The following CORIN variants were observed in gnomAD, a reference collection of about 807,000 sequenced individuals.
CORIN encodes corin, serine peptidase.
In CORIN, 117 loss-of-function variants were observed where a neutral mutation model predicts 125.3. That is an observed-to-expected ratio of 0.93 (90% CI 0.80 to 1.09). The LOEUF (loss-of-function observed/expected upper bound fraction) is 1.09. Among genes scored for constraint, CORIN ranks in the 50% least tolerant of loss-of-function variants. CORIN has a pLI of 0.00. For missense variants in CORIN, 1,253 were observed against 1,306.7 expected, an observed-to-expected ratio of 0.96 and a Z score of 0.63; for synonymous variants, 450 against 466.4, an observed-to-expected ratio of 0.96 and a Z score of 0.45.
chr4:47,834,290 C>A (rs968486794), intron 1 of CORIN, among the ~76,000 whole-genome samples: 1 of 152,050 alleles, frequency 6.6e-6, no homozygotes, highest in East Asian at 1.9e-4. Context: ...GAAACAAATC[C>A]TACCATTTCT....
chr4:47,725,111 A>G (rs766546893), intron 5 of CORIN, among the ~76,000 whole-genome samples: 4 of 152,198 alleles, frequency 2.6e-5, no homozygotes, highest in South Asian at 4.1e-4. Flanking sequence ...ATAAATGCCA[A>G]TAGAAGAATC....
Position 47,683,734 on chromosome 4 carries a change from A to C in CORIN, c.1018T>G (p.Cys340Gly), listed in dbSNP as rs1206154736. 5 of 1,606,590 alleles carry C rather than the reference A, an allele frequency of 3.1e-6. No individual in the cohort carries two copies. The South Asian group carries it at 4.4e-5, about 14-fold the overall frequency. Residue 340 changes from cysteine (C) to glycine (G), a missense_variant, in exon 7 of 22, where the codon TGT becomes GGT. Cys to Gly is a radical substitution (Grantham distance 159, BLOSUM62 -3). Coordinates refer to ENST00000273857, the MANE Select transcript of CORIN (RefSeq NM_006587.4). ...TTGGGGAAACAATGCTACTTACCAC[A>C]GTTTTGCTCATCACTCAAATCCCCA... ...DCGDLSDEQN[C>G]DCNPTTEHRC...
At chr4:47,656,152 ATT>A (rs199763449) in intron 12 of CORIN, among the ~76,000 whole-genome samples, 17,322 of 133,322 alleles carry the variant, frequency 0.13, 1,170 homozygotes, top group East Asian at 0.43. Context: ...ACCATTTAGG[ATT>A]TTTTTTTTTT....
At chr4:47,755,629 T>C (rs893491391) in intron 4 of CORIN, among the ~76,000 whole-genome samples, 4 of 152,162 alleles carry the variant, frequency 2.6e-5, no homozygotes, top group Non-Finnish European at 5.9e-5. Flanking sequence ...TTAACAGTGA[T>C]GGAGAAGTGA....
At chr4:47,833,642 T>C (rs1733193600) in intron 1 of CORIN, among the ~76,000 whole-genome samples, 1 of 151,930 alleles carries the variant, frequency 6.6e-6, no homozygotes, top group Admixed American at 6.6e-5. Flanking sequence ...GGAGAAAATA[T>C]TTGCGAATCA....
chr4:47,836,620 C>G (rs1733430691), intron 1 of CORIN, among the ~76,000 whole-genome samples: 1 of 152,172 alleles, frequency 6.6e-6, no homozygotes, highest in African/African-American at 2.4e-5. Context: ...CAGAAGTTTC[C>G]CGCGGGAGGA....
rs1410150820 is a variant in CORIN at position 47,683,753 on chromosome 4, A to C, written c.999T>G (p.Asp333Glu). ...LVCDGYDDCG[D>E]LSDEQNCDCN... ...TACCACAGTTTTGCTCATCACTCAA[A>C]TCCCCACAGTCATCATATCCATCAC... is the stretch of plus-strand genomic sequence containing the variant. The change falls in exon 7 of 22, where the codon GAT (aspartate) becomes GAG (glutamate). Residue 333 changes from aspartate (D) to glutamate (E), a missense_variant. Asp to Glu is a conservative substitution (Grantham distance 45, BLOSUM62 2). Transcript: ENST00000273857. 4 of 1,613,236 alleles carry C rather than the reference A, an allele frequency of 2.5e-6. No homozygotes were observed. The highest frequency in any genetic ancestry group is 3.4e-6 in the Non-Finnish European group (4 of 1,179,602).
Position 47,832,100 on chromosome 4 carries a change from T to C in CORIN, c.63+5787A>G, listed in dbSNP as rs979991033. ...AAATGGTACAACATGTAGGAGTACATATGGAGGGAGAAGAGCCTCCTTCTG... is the reference window on the plus strand; with the variant it reads ...AAATGGTACAACATGTAGGAGTACACATGGAGGGAGAAGAGCCTCCTTCTG... On this transcript the variant is annotated intron_variant, in intron 1 of 21. Transcript: ENST00000273857. Among the ~76,000 whole-genome samples, 5 of 152,172 alleles carry C rather than the reference T, an allele frequency of 3.3e-5. 1 individual carries two copies. Among genetic ancestry groups the C allele is most frequent in the Admixed American group, 2.6e-4 (4 of 15,278 alleles).
At chr4:47,630,894 G>A (rs1722778388) in intron 16 of CORIN, among the ~76,000 whole-genome samples, 3 of 152,222 alleles carry the variant, frequency 2.0e-5, no homozygotes, top group South Asian at 2.1e-4. Context: ...CAAGATCACA[G>A]GTGATGATGA....
chr4:47,686,841 C>T (rs1725542850), intron 6 of CORIN, among the ~76,000 whole-genome samples: 1 of 152,022 alleles, frequency 6.6e-6, no homozygotes, highest in Admixed American at 6.6e-5. Context: ...ACTACACTCA[C>T]TTTTTTTGAC....
At chr4:47,805,148 A>AATAATAATAATAATAAT (rs1553919340) in intron 2 of CORIN, among the ~76,000 whole-genome samples, 26 of 129,156 alleles carry the variant, frequency 2.0e-4, no homozygotes, top group African/African-American at 7.6e-4. Flanking sequence ...AAAAAAAAAA[A>AATAATAATAATAATAAT]AATAATAATA....
chr4:47,758,728 A>G (rs1330309375), intron 4 of CORIN, among the ~76,000 whole-genome samples: 1 of 152,198 alleles, frequency 6.6e-6, no homozygotes, highest in African/African-American at 2.4e-5. Context: ...TTCTTGTGAT[A>G]GTGAGTGAGT....
rs1351348827 is a variant in CORIN, at chr4:47,623,656, G to A, written c.2455C>T (p.Leu819=). The A allele has an allele frequency of 7.4e-6, 12 of 1,614,116 alleles. No homozygotes were observed. Among genetic ancestry groups the A allele is most frequent in the Non-Finnish European group, 9.3e-6 (11 of 1,180,040 alleles). The change falls in exon 19 of 22, where the codon CTG becomes TTG. Residue 819 remains leucine (L), a synonymous_variant. Coordinates refer to ENST00000273857, the MANE Select transcript of CORIN (RefSeq NM_006587.4). The stretch of plus-strand genomic sequence containing the variant: ...ATATGTCCACTGGGTTCACTCTGCA[G>A]AGAACACTGCCATGGCCACCTTCCA... The part of the protein sequence containing the change: ...RPGRWPWQCS[L]QSEPSGHICG...
chr4:47,726,889 T>C (rs961595947), intron 5 of CORIN, among the ~76,000 whole-genome samples: 3 of 152,014 alleles, frequency 2.0e-5, no homozygotes, highest in African/African-American at 7.2e-5. Context: ...AGCATTTTAT[T>C]AAAATATTGT....
intron 13 of CORIN, among the ~76,000 whole-genome samples, chr4:47,645,568 T>C (rs774445616): frequency 6.6e-6 from 1 of 151,342 alleles, no homozygotes; most frequent in Non-Finnish European, 1.5e-5. Context: ...TGATATAAAT[T>C]GTACAGCTCT....
chr4:47,771,240 C>T (rs551365599), intron 3 of CORIN, among the ~76,000 whole-genome samples: 1 of 152,188 alleles, frequency 6.6e-6, no homozygotes, highest in Admixed American at 6.5e-5. Flanking sequence ...GTCAGGACTA[C>T]ATCAGCAGAG....
In CORIN at chr4:47,828,506, A is replaced by C. The variant is rs114987045; in HGVS notation, c.63+9381T>G. ...TTTCTGAATTGGTGAACACATCTAC[A>C]TTCTGGGAGCACTCCAACTCCATGG... On this transcript the variant is annotated intron_variant, in intron 1 of 21. Coordinates refer to ENST00000273857, the MANE Select transcript of CORIN (RefSeq NM_006587.4). 7.5e-3 allele frequency among the ~76,000 whole-genome samples: 1,137 copies of C among 152,286 alleles called. 13 individuals are homozygous for C. The highest frequency in any genetic ancestry group is 0.026 in the African/African-American group (1,100 of 41,554).
rs113780057 is a variant in CORIN at position 47,645,224 on chromosome 4, T to A, written c.1844-30A>T. ...AGACAGAAGAAAAGGTTATTTGCAA[T>A]AGACGTGGAATTGAAAATAATGATA... On this transcript the variant is annotated intron_variant, in intron 13 of 21. Coordinates refer to ENST00000273857, the MANE Select transcript of CORIN (RefSeq NM_006587.4). The A allele has an allele frequency of 2.0e-5, 25 of 1,247,436 alleles. No individual in the cohort carries two copies. The African/African-American group carries it at 2.8e-4, about 14-fold the overall frequency. The allele number at this position is 1,247,436 out of a possible 1,614,324, so 77.3% of individuals were successfully genotyped here. A position where few individuals can be genotyped will look rare whatever the true frequency, so the allele number is the denominator to read the frequency against.
chr4:47,612,487 T>C (rs73140089), intron 19 of CORIN, among the ~76,000 whole-genome samples: 27 of 152,250 alleles, frequency 1.8e-4, no homozygotes, highest in African/African-American at 6.3e-4. Flanking sequence ...TAGTATACAA[T>C]CTCAATAGTT....
Sources: gnomAD v4.1 joint callset for allele counts (sites outside exome capture counted in the v4.1 genomes callset) on GRCh38, gnomAD v4.1.1 for gene constraint, MANE v1.5 for transcripts, NCBI Gene and HGNC (gene_info 2026-07-23, HGNC 2026-07-21) for gene names.